ELP4: variants seen among roughly 807,000 people sequenced by gnomAD.
ELP4 encodes the protein elongator acetyltransferase complex subunit 4.
ELP4 carries 51 observed loss-of-function variants against 48.9 expected under a neutral mutation model. The observed-to-expected ratio is 1.04, with a 90% CI of 0.83 to 1.32. The LOEUF (loss-of-function observed/expected upper bound fraction) is 1.32, where lower values mean the gene tolerates loss of function less well. Among genes scored for constraint, ELP4 ranks in the 40% most tolerant of loss-of-function variants. The pLI, the probability that ELP4 is intolerant of heterozygous loss-of-function variation, is 0.00. For missense variants in ELP4, 519 were observed against 514.6 expected (o/e 1.01, Z -0.08); for synonymous variants, 210 against 189.2 (o/e 1.11, Z -0.90).
rs1944684365 is a variant in ELP4, at chr11:31,623,963, C to T, written c.654-3147C>T. The stretch of plus-strand genomic sequence containing the variant: ...TGGCCAACACATATATGAAAAAGTG[C>T]TCAACATTATTCATCATCAGGGAAA... On this transcript the variant is annotated intron_variant, in intron 5 of 9. Transcript: ENST00000640961. 1.3e-5 allele frequency among the ~76,000 whole-genome samples: 2 copies of T among 151,688 alleles called. 1 individual carries two copies. The highest frequency in any genetic ancestry group is 4.1e-4 in the South Asian group (2 of 4,832).
chr11:31,707,958 GTCC>G (rs1189521583), intron 9 of ELP4, among the ~76,000 whole-genome samples: 2 of 152,110 alleles, frequency 1.3e-5, no homozygotes, highest in Non-Finnish European at 2.9e-5. Flanking sequence ...CATATGAAAA[GTCC>G]TCCTTGCTAT....
rs1948914998 is a variant in ELP4, at chr11:31,788,792, G to C, written c.*5268G>C. 1 of 207,004 alleles carries C rather than the reference G, an allele frequency of 4.8e-6. No homozygotes were observed. The highest frequency in any genetic ancestry group is 5.9e-5 in the Admixed American group (1 of 16,882). 12.8% of individuals were successfully genotyped at this position (207,004 alleles called of 1,614,324 possible). On this transcript the variant is annotated 3_prime_UTR_variant, in exon 10 of 10. Coordinates refer to ENST00000640961, the MANE Select transcript of ELP4 (RefSeq NM_019040.5). ...TTTTCTAACACGTTTTTGATTTATG[G>C]TATCTATAAGGATTATTTTTTAAGG...
chr11:31,539,876 C>A lies in ELP4; in HGVS notation c.381+93C>A, dbSNP rs1052456954. On this transcript the variant is annotated intron_variant, in intron 3 of 9. Coordinates refer to ENST00000640961, the MANE Select transcript of ELP4 (RefSeq NM_019040.5). ...AACAAGATATATGTTTGTATATATA[C>A]AAACTATATTTAAATGCATTAACGG... The A allele has an allele frequency of 3.8e-5, 40 of 1,050,044 alleles. No homozygotes were observed. In the South Asian group the frequency reaches 1.2e-3, roughly 32 times the overall value. 65.0% of individuals were successfully genotyped at this position (1,050,044 alleles called of 1,614,324 possible). A position where few individuals can be genotyped will look rare whatever the true frequency, so the allele number is the denominator to read the frequency against.
intron 3 of ELP4, among the ~76,000 whole-genome samples, chr11:31,571,703 TG>T (rs1957195817): frequency 1.3e-5 from 2 of 152,190 alleles, no homozygotes; most frequent in African/African-American, 4.8e-5. Flanking sequence ...ACAGAATGGA[TG>T]TTGTGTTAGC....
chr11:31,539,418 A>G (rs553473055), intron 2 of ELP4, among the ~76,000 whole-genome samples: 10 of 152,158 alleles, frequency 6.6e-5, no homozygotes, highest in Non-Finnish European at 1.0e-4. Flanking sequence ...GCGCCACTGC[A>G]CCTCCAGCCT....
chr11:31,770,354 A>C (rs1418959071), intron 9 of ELP4, among the ~76,000 whole-genome samples: 5 of 152,152 alleles, frequency 3.3e-5, no homozygotes, highest in Admixed American at 1.3e-4. Flanking sequence ...TCACAGGAAT[A>C]GTGACCATGT....
intron 8 of ELP4, chr11:31,648,586 A>G (rs1945255133): frequency 6.6e-6 from 1 of 151,530 alleles, no homozygotes; most frequent in African/African-American, 2.4e-5. Context: ...TTTACCTATT[A>G]TTCTTAGTAT....
intron 3 of ELP4, among the ~76,000 whole-genome samples, chr11:31,576,560 A>G (rs1373703808): frequency 6.6e-6 from 1 of 152,162 alleles, no homozygotes; most frequent in Non-Finnish European, 1.5e-5. Flanking sequence ...TCCTCAGCAA[A>G]TGTAAAAGAA....
rs143682069 is a variant in ELP4 at position 31,559,859 on chromosome 11, C to T, written c.381+20076C>T. Reference sequence around the variant, plus strand: ...CAGAGGTTGCGGCGAGCTGAGATTGCGCCATTGCACTCCAGCAGCCTGGGC... The same window carrying T: ...CAGAGGTTGCGGCGAGCTGAGATTGTGCCATTGCACTCCAGCAGCCTGGGC... On this transcript the variant is annotated intron_variant, in intron 3 of 9. Coordinates refer to ENST00000640961, the MANE Select transcript of ELP4 (RefSeq NM_019040.5). 2.8e-4 allele frequency among the ~76,000 whole-genome samples: 42 copies of T among 148,800 alleles called. No homozygotes were observed. The East Asian group carries it at 6.9e-3, about 24-fold the overall frequency.
chr11:31,739,714 A>G (rs1332956813), intron 9 of ELP4, among the ~76,000 whole-genome samples: 1 of 152,216 alleles, frequency 6.6e-6, no homozygotes, highest in Non-Finnish European at 1.5e-5. Flanking sequence ...TGATATTCAT[A>G]TACCATATGT....
At chr11:31,749,565 TAA>T (rs1315626339) in intron 9 of ELP4, among the ~76,000 whole-genome samples, 1 of 152,230 alleles carries the variant, frequency 6.6e-6, no homozygotes, top group Admixed American at 6.5e-5. Context: ...CAATGATCTT[TAA>T]AACATCGATT....
At chr11:31,726,641 G>A (rs1288267307) in intron 9 of ELP4, among the ~76,000 whole-genome samples, 1 of 151,948 alleles carries the variant, frequency 6.6e-6, no homozygotes, top group African/African-American at 2.4e-5. Context: ...TCCTAATGAA[G>A]GGGCAGTGGC....
At chr11:31,603,135 G>T (rs1210797681) in intron 4 of ELP4, among the ~76,000 whole-genome samples, 2 of 151,758 alleles carry the variant, frequency 1.3e-5, no homozygotes, top group East Asian at 3.9e-4. Context: ...ATTATGCCAG[G>T]TTCTGATTGA....
At chr11:31,668,925 G>A (rs866178172) in intron 9 of ELP4, among the ~76,000 whole-genome samples, 1 of 151,294 alleles carries the variant, frequency 6.6e-6, no homozygotes, top group Non-Finnish European at 1.5e-5. Context: ...TTTTAATTTA[G>A]TCCAATGCTT....
At chr11:31,664,109 T>G (rs540842728) in intron 9 of ELP4, 5 of 152,242 alleles carry the variant, frequency 3.3e-5, no homozygotes, top group South Asian at 2.1e-4. Flanking sequence ...CACTAGCTAT[T>G]CTTGTTTCAA....
chr11:31,767,662 G>A (rs1428860954), intron 9 of ELP4: 2 of 151,856 alleles, frequency 1.3e-5, no homozygotes, highest in Non-Finnish European at 2.9e-5. Context: ...CTGATCATCA[G>A]TATTTTTTTC....
intron 9 of ELP4, among the ~76,000 whole-genome samples, chr11:31,664,724 ATAC>A (rs1328056146): frequency 1.3e-5 from 2 of 152,156 alleles, no homozygotes; most frequent in Admixed American, 6.6e-5. Flanking sequence ...TGAAGGAAAG[ATAC>A]TAAAAATTAA....
At chr11:31,697,286 G>A (rs1946429496) in intron 9 of ELP4, among the ~76,000 whole-genome samples, 1 of 152,086 alleles carries the variant, frequency 6.6e-6, no homozygotes, top group South Asian at 2.1e-4. Context: ...TCCATTTCCA[G>A]TAGGATAATA....
chr11:31,699,349 G>T (rs1040135879), intron 9 of ELP4, among the ~76,000 whole-genome samples: 3 of 152,024 alleles, frequency 2.0e-5, no homozygotes, highest in Admixed American at 1.3e-4. Flanking sequence ...ATTCAAAGAG[G>T]TTCCTACTAG....
Sources: allele counts gnomAD v4.1 joint callset (sites outside exome capture counted in the v4.1 genomes callset), GRCh38; gene constraint gnomAD v4.1.1; transcripts MANE v1.5; gene names NCBI Gene and HGNC (gene_info 2026-07-23, HGNC 2026-07-21).